Variants in RNF220 observed in about 807,000 individuals in gnomAD.
The protein encoded by RNF220 is E3 ubiquitin-protein ligase RNF220.
A neutral mutation model predicts 67.1 loss-of-function variants in RNF220; 7 were observed. The ratio of observed to expected loss-of-function variants is 0.10; its 90% confidence interval spans 0.06 to 0.20. The LOEUF (loss-of-function observed/expected upper bound fraction) is 0.20. RNF220 is among the 10% of genes least tolerant of loss of function. RNF220 has a pLI of 1.00. For synonymous variants in RNF220, 270 were observed against 283.2 expected, an observed-to-expected ratio of 0.95 and a Z score of 0.47; for missense variants, 565 against 740.3, an observed-to-expected ratio of 0.76 and a Z score of 2.75.
At chr1:44,545,665 C>T (rs1662072855) in intron 2 of RNF220, 1 of 153,458 alleles carries the variant, frequency 6.5e-6, no homozygotes, top group South Asian at 2.1e-4. Context: ...TTCACAGGGC[C>T]AAGGAGAGGA....
At position 44,651,003 on chromosome 1, in the gene RNF220, G is replaced by A. The variant is rs1044908618; in HGVS notation, c.*228G>A. The A allele has an allele frequency of 3.4e-5, 19 of 560,038 alleles. No homozygotes were observed. The highest frequency in any genetic ancestry group is 3.4e-4 in the African/African-American group (18 of 53,142). 34.7% of individuals were successfully genotyped at this position (560,038 alleles called of 1,614,324 possible). A position where few individuals can be genotyped will look rare whatever the true frequency, so the allele number is the denominator to read the frequency against. ...GCTGGCTCCCACCTATGGTTTGGGG[G>A]CCATACCTGTTCCAGCTCTGTTCCC... On this transcript the variant is annotated 3_prime_UTR_variant, in exon 15 of 15. Transcript: ENST00000361799.
chr1:44,493,529 TA>T (rs1312030259), intron 2 of RNF220, among the ~76,000 whole-genome samples: 15 of 135,940 alleles, frequency 1.1e-4, no homozygotes, highest in Non-Finnish European at 3.1e-5. Flanking sequence ...AATAAATAAA[TA>T]AAATAAATAA....
At chr1:44,589,507 G>A (rs571064594) in intron 2 of RNF220, among the ~76,000 whole-genome samples, 4 of 151,976 alleles carry the variant, frequency 2.6e-5, no homozygotes, top group East Asian at 1.9e-4. Context: ...CCAGCTACTC[G>A]GGAGGCTGAG....
At chr1:44,471,025 G>A (rs906619626) in intron 2 of RNF220, among the ~76,000 whole-genome samples, 28 of 152,122 alleles carry the variant, frequency 1.8e-4, no homozygotes, top group Non-Finnish European at 2.1e-4. Context: ...TCAGGCATTC[G>A]AGGCTGCAGT....
rs145665601 is a variant in RNF220 at position 44,428,909 on chromosome 1, C to A, written c.625+16187C>A. On this transcript the variant is annotated intron_variant, in intron 2 of 14. Transcript: ENST00000361799. ...GTTGGAGGAATTGGATACTTTCACT[C>A]CCCCTTCCACTGTGCCCCACCCTCC... 3.6e-3 allele frequency among the ~76,000 whole-genome samples: 553 copies of A among 152,026 alleles called. 4 individuals are homozygous for A. Among genetic ancestry groups the A allele is most frequent in the African/African-American group, 0.013 (537 of 41,438 alleles).
intron 2 of RNF220, among the ~76,000 whole-genome samples, chr1:44,489,681 TG>T (rs1656672543): frequency 6.6e-6 from 1 of 152,248 alleles, no homozygotes; most frequent in Admixed American, 6.5e-5. Flanking sequence ...TGCATTCCTT[TG>T]GCTTTGATTC....
intron 2 of RNF220, among the ~76,000 whole-genome samples, chr1:44,557,754 T>A (rs1315735502): frequency 6.6e-6 from 1 of 152,220 alleles, no homozygotes; most frequent in Non-Finnish European, 1.5e-5. Context: ...GTGTTCGAGT[T>A]TCAAAGCAAA....
intron 2 of RNF220, among the ~76,000 whole-genome samples, chr1:44,505,279 G>T (rs72688085): frequency 0.17 from 25,781 of 152,138 alleles, 2,735 homozygotes; most frequent in Non-Finnish European, 0.24. Context: ...CAACCCCAAG[G>T]AAACAGGACT....
At position 44,645,035 on chromosome 1, in the gene RNF220, C is replaced by A; in HGVS notation, c.1264C>A (p.Pro422Thr). 1 of 1,614,116 alleles carries A rather than the reference C, an allele frequency of 6.2e-7. No individual in the cohort carries two copies. Among genetic ancestry groups the A allele is most frequent in the Non-Finnish European group, 8.5e-7 (1 of 1,179,998 alleles). The change falls in exon 10 of 15, where the codon CCT becomes ACT. Residue 422 changes from proline to threonine, a missense_variant. Coordinates refer to ENST00000361799, the MANE Select transcript of RNF220 (RefSeq NM_018150.4). This position sits in a 1 kb window ranked among gnomAD's most constrained non-coding sequence, Gnocchi z 5.0. ...ADVIPCTGEE[P>T]GEAKEREALR... ...TGTCATCCCCTGCACAGGCGAGGAG[C>A]CTGGTGAAGCCAAGGAGAGAGAGGC...
intron 2 of RNF220, among the ~76,000 whole-genome samples, chr1:44,426,997 C>G (rs1295674132): frequency 1.3e-5 from 2 of 152,158 alleles, no homozygotes; most frequent in East Asian, 3.9e-4. Context: ...AAGAGAAGAA[C>G]ATAGTATCAC....
At chr1:44,601,655 G>C (rs184469633) in intron 2 of RNF220, among the ~76,000 whole-genome samples, 1 of 152,278 alleles carries the variant, frequency 6.6e-6, no homozygotes, top group Non-Finnish European at 1.5e-5. Context: ...CTAAATTTCA[G>C]AGTGAAGGAG....
At chr1:44,604,555 G>C (rs780615146) in intron 2 of RNF220, among the ~76,000 whole-genome samples, 35 of 152,246 alleles carry the variant, frequency 2.3e-4, no homozygotes, top group Non-Finnish European at 4.6e-4. Context: ...AGGCTCATGG[G>C]GTCAAGGGTT....
intron 2 of RNF220, among the ~76,000 whole-genome samples, chr1:44,555,754 C>T (rs539268285): frequency 2.0e-5 from 3 of 150,446 alleles, no homozygotes; most frequent in Non-Finnish European, 4.4e-5. Context: ...AGATTACAGG[C>T]GTGAGCCACC....
At chr1:44,603,614 C>T (rs1407777507) in intron 2 of RNF220, among the ~76,000 whole-genome samples, 1 of 152,126 alleles carries the variant, frequency 6.6e-6, no homozygotes, top group Non-Finnish European at 1.5e-5. Context: ...TAAATGAAGT[C>T]AGTAATTGAT....
At chr1:44,415,899 G>A (rs1307571910) in intron 2 of RNF220, among the ~76,000 whole-genome samples, 27 of 152,248 alleles carry the variant, frequency 1.8e-4, no homozygotes, top group Non-Finnish European at 5.9e-5. Context: ...AGAGAGGCCT[G>A]CAGACATGGT....
At chr1:44,595,451 G>A in intron 2 of RNF220, among the ~76,000 whole-genome samples, 1 of 152,212 alleles carries the variant, frequency 6.6e-6, no homozygotes, top group Non-Finnish European at 1.5e-5. Flanking sequence ...CAGACTAGGG[G>A]AGCAGGTACA....
rs201565943 is a variant in RNF220 at position 44,636,180 on chromosome 1, G to A, written c.1126+18G>A. On this transcript the variant is annotated intron_variant, in intron 8 of 14. Transcript: ENST00000361799. ...CTTCCGAGGTACAAGCAGCTGACACGTAGACATTGGCACTCTGGTGCCAGG... is the reference window on the plus strand; with the variant it reads ...CTTCCGAGGTACAAGCAGCTGACACATAGACATTGGCACTCTGGTGCCAGG... 18 of 1,587,938 alleles carry A rather than the reference G, an allele frequency of 1.1e-5. No individual in the cohort carries two copies. Among genetic ancestry groups the A allele is most frequent in the East Asian group, 4.5e-5 (2 of 44,498 alleles).
intron 8 of RNF220, among the ~76,000 whole-genome samples, chr1:44,639,254 T>A (rs1644418838): frequency 6.6e-6 from 1 of 152,210 alleles, no homozygotes; most frequent in Non-Finnish European, 1.5e-5. Flanking sequence ...TTTCCTCTCC[T>A]GTCCTCCATC....
intron 2 of RNF220, among the ~76,000 whole-genome samples, chr1:44,504,115 T>G (rs981748217): frequency 1.3e-5 from 2 of 152,126 alleles, no homozygotes; most frequent in African/African-American, 4.8e-5. Flanking sequence ...CCCAAAGTAC[T>G]GGGATTACAG....
Sources: gnomAD v4.1 joint callset for allele counts (sites outside exome capture counted in the v4.1 genomes callset) on GRCh38, gnomAD v4.1.1 for gene constraint, Gnocchi (gnomAD v3.1) non-coding constraint, MANE v1.5 for transcripts, NCBI Gene and HGNC (gene_info 2026-07-23, HGNC 2026-07-21) for gene names.